The following CAD variants were observed in gnomAD, a reference collection of about 807,000 sequenced individuals.
CAD encodes the protein multifunctional protein CAD.
A neutral mutation model predicts 237.2 loss-of-function variants in CAD; 81 were observed. That is an observed-to-expected ratio of 0.34 (90% confidence interval 0.29 to 0.41). The LOEUF (loss-of-function observed/expected upper bound fraction) is 0.41. CAD is among the 10% of genes least tolerant of loss of function. CAD has a pLI of 1.00. For synonymous variants in CAD, 1,196 were observed against 1,162.8 expected, an observed-to-expected ratio of 1.03 and a Z score of -0.58; for missense variants, 2,181 against 2,951.7, an observed-to-expected ratio of 0.74 and a Z score of 6.05.
intron 2 of CAD, 145 bp downstream of exon 2, chr2:27,218,161 A>G (rs947025006): frequency 2.9e-6 from 2 of 678,158 alleles, no homozygotes; most frequent in Middle Eastern, 2.6e-4. Flanking sequence ...TAAGATCACT[A>G]GTAACTGTAG....
chr2:27,221,491 T>C, intron 3 of CAD, 144 bp downstream of exon 3: 1 of 774,152 alleles, frequency 1.3e-6, no homozygotes, highest in Non-Finnish European at 1.8e-6. Flanking sequence ...GGAGAAAGAA[T>C]TGAACTATCA....
intron 6 of CAD, 122 bp from the exon 7 acceptor site, chr2:27,223,441 A>AC (rs1675278852): frequency 1.0e-6 from 1 of 970,366 alleles, no homozygotes; most frequent in East Asian, 2.4e-5. Context: ...AAAAAAAAAA[A>AC]AAAAACAAAA....
chr2:27,235,519 C>G lies in CAD; in HGVS notation c.3970-17C>G. The G allele has an allele frequency of 6.2e-7, 1 of 1,613,694 alleles. No homozygotes were observed. The highest frequency in any genetic ancestry group is 8.5e-7 in the Non-Finnish European group (1 of 1,179,690). On this transcript the variant is annotated splice_polypyrimidine_tract_variant and intron_variant, in intron 24 of 43. Coordinates refer to ENST00000264705, the MANE Select transcript of CAD (RefSeq NM_004341.5). The surrounding 1 kb of genome is among the most constrained non-coding windows in gnomAD (Gnocchi z 5.2). ...AAGACAGGAAGAAAACAATTTCATC[C>G]TTCTGTTTGGTTTCAGAACAAAAGC...
chr2:27,236,694 C>G lies in CAD; in HGVS notation c.4315-55C>G, dbSNP rs1676023504. The G allele has an allele frequency of 6.3e-7, 1 of 1,578,294 alleles. No individual in the cohort carries two copies. ...TGGTTTATGGGAAAACCACATCTCT[C>G]CCTACAACTCCCAGGATCACCCTTC... On this transcript the variant is annotated intron_variant, in intron 26 of 43. Coordinates refer to ENST00000264705, the MANE Select transcript of CAD (RefSeq NM_004341.5). The surrounding 1 kb of genome is among the most constrained non-coding windows in gnomAD (Gnocchi z 4.1).
At chr2:27,238,329 T>C in intron 30 of CAD, 102 bp from the exon 31 acceptor site, 2 of 1,453,882 alleles carry the variant, frequency 1.4e-6, no homozygotes, top group Admixed American at 2.0e-5. Flanking sequence ...CCCTTGCAGG[T>C]CTACATCATC....
Position 27,222,862 on chromosome 2 carries a change from C to G in CAD, c.638-4C>G, listed in dbSNP as rs750481567. The G allele has an allele frequency of 2.5e-6, 4 of 1,613,866 alleles. No homozygotes were observed. The highest frequency in any genetic ancestry group is 3.4e-6 in the Non-Finnish European group (4 of 1,179,824). ...TTTGATGTCATCTTTTCTGCCCACT[C>G]CAGAGTATGAGGGTCTCTTCTTAAG... On this transcript the variant is annotated splice_region_variant and splice_polypyrimidine_tract_variant and intron_variant, in intron 5 of 43. Coordinates refer to ENST00000264705, the MANE Select transcript of CAD (RefSeq NM_004341.5).
At position 27,240,093 on chromosome 2, in the gene CAD, T is replaced by C. The variant is rs549276077; in HGVS notation, c.5497-172T>C. The C allele has an allele frequency of 8.9e-5, 57 of 638,354 alleles. No homozygotes were observed. Among genetic ancestry groups the C allele is most frequent in the African/African-American group, 8.2e-4 (45 of 54,624 alleles). The allele number at this position is 638,354 out of a possible 1,614,324, so 39.5% of individuals were successfully genotyped here. A position where few individuals can be genotyped will look rare whatever the true frequency, so the allele number is the denominator to read the frequency against. Reference sequence around the variant, plus strand: ...CCATCTCTACTAAAAATAAAAAAATTAGCCAGGCGTGGTGGTGCACATCTG... The same window carrying C: ...CCATCTCTACTAAAAATAAAAAAATCAGCCAGGCGTGGTGGTGCACATCTG... On this transcript the variant is annotated intron_variant, in intron 34 of 43. Transcript: ENST00000264705. This position sits in a 1 kb window ranked among gnomAD's most constrained non-coding sequence, Gnocchi z 4.6.
In CAD at chr2:27,237,861, C is replaced by A. The variant is rs1405984300; in HGVS notation, c.4707C>A (p.Asp1569Glu). 1 of 1,612,346 alleles carries A rather than the reference C, an allele frequency of 6.2e-7. No individual in the cohort carries two copies. The highest frequency in any genetic ancestry group is 2.2e-5 in the East Asian group (1 of 44,850). ...LNETFSELRL[D>E]SVVQWMEHFE... The stretch of plus-strand genomic sequence containing the variant: ...AGACCTTCTCTGAGCTGCGGCTGGA[C>A]AGCGTGGTCCAGTGGATGGAGGTAG... The change falls in exon 29 of 44, where the codon GAC becomes GAA. Residue 1569 changes from aspartate (D) to glutamate (E), a missense_variant. By Grantham distance (45) the Asp-to-Glu change is conservative. Transcript: ENST00000264705. This position sits in a 1 kb window ranked among gnomAD's most constrained non-coding sequence, Gnocchi z 4.0.
Position 27,224,890 on chromosome 2 carries a change from A to G in CAD, c.1386+14A>G. ...TATGTAACCCAGGTATGACTGGGGC[A>G]AGGCTGGAATGAAAAGAGGACTGGG... On this transcript the variant is annotated intron_variant, in intron 10 of 43. Coordinates refer to ENST00000264705, the MANE Select transcript of CAD (RefSeq NM_004341.5). 2 of 1,614,148 alleles carry G rather than the reference A, an allele frequency of 1.2e-6. No individual in the cohort carries two copies. The highest frequency in any genetic ancestry group is 1.7e-6 in the Non-Finnish European group (2 of 1,180,004).
intron 6 of CAD, 65 bp from the exon 7 acceptor site, chr2:27,223,498 G>A (rs1675283272): frequency 7.0e-7 from 1 of 1,419,076 alleles, no homozygotes; most frequent in South Asian, 1.2e-5. Flanking sequence ...GGTGAGAGCT[G>A]GGGTAGGTTC....
intron 22 of CAD, 63 bp downstream of exon 22, chr2:27,234,289 G>A (rs531152645): frequency 1.8e-4 from 266 of 1,468,918 alleles, no homozygotes; most frequent in Non-Finnish European, 2.2e-4. Context: ...GCTGGCCACA[G>A]TGCCATGAAG....
chr2:27,220,474 C>T (rs182818451), intron 2 of CAD, among the ~76,000 whole-genome samples: 14 of 148,244 alleles, frequency 9.4e-5, no homozygotes, highest in Admixed American at 4.0e-4. Flanking sequence ...CATGGTGAGA[C>T]GCTGTCACTA....
Position 27,233,499 on chromosome 2 carries a change from T to A in CAD, c.3179T>A (p.Ile1060Asn). 6.2e-7 allele frequency: 1 copy of A among 1,614,212 alleles called. No individual in the cohort carries two copies. Among genetic ancestry groups the A allele is most frequent in the East Asian group, 2.2e-5 (1 of 44,886 alleles). ...TCCCGGCTCCTTGACACCATTGGTA[T>A]CAGCCAGCCTCAGTGGAGGGAGCTC... ...KFSRLLDTIG[I>N]SQPQWRELSD... Residue 1060 changes from isoleucine to asparagine, a missense_variant, in exon 20 of 44, where the codon ATC becomes AAC. Coordinates refer to ENST00000264705, the MANE Select transcript of CAD (RefSeq NM_004341.5). This position sits in a 1 kb window ranked among gnomAD's most constrained non-coding sequence, Gnocchi z 6.3.
chr2:27,232,551 C>G lies in CAD; in HGVS notation c.2749C>G (p.Leu917Val). Reference protein sequence around the residue: ...AAEWPAQTNYLYLTYWGTTHD... With the variant: ...AAEWPAQTNYVYLTYWGTTHD... Reference sequence around the variant, plus strand: ...TGAGTGGCCAGCCCAGACAAATTACCTATACCTAACGTATTGGGGCACCAC... The same window carrying G: ...TGAGTGGCCAGCCCAGACAAATTACGTATACCTAACGTATTGGGGCACCAC... Residue 917 changes from leucine (L) to valine (V), a missense_variant, in exon 18 of 44, where the codon CTA becomes GTA. By Grantham distance (32) the Leu-to-Val change is conservative. This residue lies in a region of CAD where 385 missense variants were observed against 535.1 expected (regional missense o/e 0.72). Transcript: ENST00000264705. This position sits in a 1 kb window ranked among gnomAD's most constrained non-coding sequence, Gnocchi z 4.1. 1 of 1,614,196 alleles carries G rather than the reference C, an allele frequency of 6.2e-7. No individual in the cohort carries two copies. Among genetic ancestry groups the G allele is most frequent in the Non-Finnish European group, 8.5e-7 (1 of 1,180,048 alleles).
At position 27,236,240 on chromosome 2, in the gene CAD, C is replaced by T. The variant is rs372495619; in HGVS notation, c.4075-44C>T. On this transcript the variant is annotated intron_variant, in intron 25 of 43. Transcript: ENST00000264705. The surrounding 1 kb of genome is among the most constrained non-coding windows in gnomAD (Gnocchi z 4.1). ...CTCCCTTAAGGCTAGCCTTCCTGAC[C>T]GCTGCCAGACAGCTTGGCCCTGACC... 41 of 1,601,848 alleles carry T rather than the reference C, an allele frequency of 2.6e-5. No individual in the cohort carries two copies. Among genetic ancestry groups the T allele is most frequent in the African/African-American group, 6.7e-5 (5 of 74,756 alleles).
In CAD at chr2:27,242,522, G is replaced by T; in HGVS notation, c.6222+95G>T. The T allele has an allele frequency of 6.4e-7, 1 of 1,559,638 alleles. No homozygotes were observed. The highest frequency in any genetic ancestry group is 8.7e-7 in the Non-Finnish European group (1 of 1,146,852). On this transcript the variant is annotated intron_variant, in intron 40 of 43. Coordinates refer to ENST00000264705, the MANE Select transcript of CAD (RefSeq NM_004341.5). This position sits in a 1 kb window ranked among gnomAD's most constrained non-coding sequence, Gnocchi z 6.4. ...CCCGGTACAGGACAGCTGCATCAAG[G>T]AGGCCTTCATTCTGCTCCAGAGGCT...
intron 15 of CAD, among the ~76,000 whole-genome samples, chr2:27,230,302 A>G (rs59662478): frequency 0.034 from 5,120 of 152,142 alleles, 285 homozygotes; most frequent in African/African-American, 0.12. Context: ...GATGAGGAAA[A>G]AACACAGGAT....
Position 27,224,015 on chromosome 2 carries a change from C to T in CAD, c.1094C>T (p.Pro365Leu). The T allele has an allele frequency of 6.2e-7, 1 of 1,612,634 alleles. No individual in the cohort carries two copies. Among genetic ancestry groups the T allele is most frequent in the Non-Finnish European group, 8.5e-7 (1 of 1,178,618 alleles). Reference protein sequence around the residue: ...ETVKEATAGNPGGQTVRERLT... With the variant: ...ETVKEATAGNLGGQTVRERLT... ...GTGAAAGAGGCCACAGCTGGGAACC[C>T]TGGGGGCCAGACAGGTAAGATCCTG... is the stretch of plus-strand genomic sequence containing the variant. The change falls in exon 8 of 44, where the codon CCT (proline) becomes CTT (leucine). Residue 365 changes from proline to leucine, a missense_variant. Transcript: ENST00000264705.
At chr2:27,229,075 C>A (rs988650946) in intron 15 of CAD, among the ~76,000 whole-genome samples, 2 of 151,746 alleles carry the variant, frequency 1.3e-5, no homozygotes, top group East Asian at 3.9e-4. Flanking sequence ...CGCACAACCA[C>A]GCCCAGCTAA....
Sources: gnomAD v4.1 joint callset for allele counts (sites outside exome capture counted in the v4.1 genomes callset) on GRCh38, gnomAD v4.1.1 for gene constraint, gnomAD v4.1.1 regional missense constraint, Gnocchi (gnomAD v3.1) non-coding constraint, MANE v1.5 for transcripts, NCBI Gene and HGNC (gene_info 2026-07-23, HGNC 2026-07-21) for gene names.